Variants in RBFOX1 observed in about 807,000 individuals in gnomAD.
RBFOX1 encodes the protein RNA binding protein fox-1 homolog 1.
In RBFOX1, 8 loss-of-function variants were observed where a neutral mutation model predicts 57.7. The observed-to-expected ratio is 0.14, with a 90% CI of 0.08 to 0.25. RBFOX1 has a LOEUF of 0.25. RBFOX1 is among the 10% of genes least tolerant of loss of function. The pLI is 1.00. For synonymous variants in RBFOX1, 326 were observed against 222.4 expected, an observed-to-expected ratio of 1.47 and a Z score of -4.15; for missense variants, 611 against 548.5, an observed-to-expected ratio of 1.11 and a Z score of -1.14.
chr16:6,400,658 C>T (rs1309132817), intron 2 of RBFOX1, among the ~76,000 whole-genome samples: 2 of 152,162 alleles, frequency 1.3e-5, no homozygotes, highest in Non-Finnish European at 2.9e-5. Flanking sequence ...CTGAGGCGGG[C>T]AAGTTACTTG....
intron 3 of RBFOX1, among the ~76,000 whole-genome samples, chr16:5,739,077 A>C (rs2052683298): frequency 6.6e-6 from 1 of 152,232 alleles, no homozygotes. Flanking sequence ...GAAATCTAAC[A>C]GTTCTGTTGC....
Position 6,444,249 on chromosome 16 carries a change from C to A in RBFOX1, c.-64+127192C>A, listed in dbSNP as rs200480889. Reference sequence around the variant, plus strand: ...AACAGTGTCTGCTTAATTGAATATGCTCTCCCCAGGACCCGGCACAATGCC... The same window carrying A: ...AACAGTGTCTGCTTAATTGAATATGATCTCCCCAGGACCCGGCACAATGCC... On this transcript the variant is annotated intron_variant, in intron 2 of 15. Transcript: ENST00000550418. Among the ~76,000 whole-genome samples the A allele has an allele frequency of 9.2e-5, 14 of 152,206 alleles. No individual in the cohort carries two copies. In the East Asian group the frequency reaches 2.7e-3, roughly 29 times the overall value.
intron 2 of RBFOX1, among the ~76,000 whole-genome samples, chr16:6,599,018 A>G (rs1204902307): frequency 6.6e-6 from 1 of 152,192 alleles, no homozygotes; most frequent in Non-Finnish European, 1.5e-5. Flanking sequence ...ACAACTGACA[A>G]GATCTGTCTC....
intron 2 of RBFOX1, among the ~76,000 whole-genome samples, chr16:6,633,940 A>G (rs1219420022): frequency 6.6e-6 from 1 of 152,124 alleles, no homozygotes; most frequent in Non-Finnish European, 1.5e-5. Flanking sequence ...GCTTGAGGCC[A>G]GGGGGTGGAG....
chr16:6,728,076 T>C (rs1466852325), intron 3 of RBFOX1, among the ~76,000 whole-genome samples: 1 of 152,206 alleles, frequency 6.6e-6, no homozygotes, highest in African/African-American at 2.4e-5. Flanking sequence ...GATTTTAGCA[T>C]AGAGCTAGCC....
chr16:7,420,160 C>T (rs941733352), intron 4 of RBFOX1, among the ~76,000 whole-genome samples: 5 of 152,098 alleles, frequency 3.3e-5, no homozygotes, highest in African/African-American at 1.2e-4. Flanking sequence ...TATGCTCTCT[C>T]TCCAGTCTAA....
chr16:5,952,355 T>C lies in RBFOX1; in HGVS notation c.351+85020T>C, dbSNP rs142428704. On this transcript the variant is annotated intron_variant, in intron 4 of 19. Coordinates refer to the RBFOX1 transcript ENST00000641259. ...TCGTAGAGATGGGGTTTCACCATGT[T>C]GACCAGTCTGGTCTCAAATTCCTGA... Among the ~76,000 whole-genome samples, 704 of 152,244 alleles carry C rather than the reference T, an allele frequency of 4.6e-3. 5 individuals are homozygous for C. The highest frequency in any genetic ancestry group is 0.016 in the African/African-American group (676 of 41,562).
chr16:5,833,213 G>C (rs2056340518), intron 3 of RBFOX1, among the ~76,000 whole-genome samples: 1 of 152,160 alleles, frequency 6.6e-6, no homozygotes, highest in African/African-American at 2.4e-5. Flanking sequence ...ATGAAATCTG[G>C]CCAGGCGTGG....
intron 4 of RBFOX1, among the ~76,000 whole-genome samples, chr16:7,136,431 G>A (rs2071994732): frequency 7.3e-6 from 1 of 137,688 alleles, no homozygotes; most frequent in Non-Finnish European, 1.5e-5. Context: ...TTTTTTGACA[G>A]GGTCTTGTTC....
intron 4 of RBFOX1, among the ~76,000 whole-genome samples, chr16:7,115,747 G>A (rs1334402758): frequency 6.6e-6 from 1 of 152,210 alleles, no homozygotes; most frequent in Non-Finnish European, 1.5e-5. Flanking sequence ...TTCTCATGCT[G>A]CATTCTTTTC....
At chr16:6,855,263 G>A (rs1008259787) in intron 3 of RBFOX1, among the ~76,000 whole-genome samples, 2 of 152,014 alleles carry the variant, frequency 1.3e-5, no homozygotes, top group East Asian at 1.9e-4. Flanking sequence ...AGGGAGAGGG[G>A]GAAGGAGGGC....
At chr16:6,587,722 C>T (rs2097649933) in intron 2 of RBFOX1, among the ~76,000 whole-genome samples, 2 of 152,166 alleles carry the variant, frequency 1.3e-5, no homozygotes, top group South Asian at 4.2e-4. Context: ...AAAGAACTCT[C>T]CTCAACCCTC....
At chr16:6,611,075 C>A (rs942509767) in intron 2 of RBFOX1, among the ~76,000 whole-genome samples, 4 of 152,086 alleles carry the variant, frequency 2.6e-5, no homozygotes, top group African/African-American at 4.8e-5. Flanking sequence ...GCCTAAGAAG[C>A]AAAAGCAGGA....
intron 3 of RBFOX1, among the ~76,000 whole-genome samples, chr16:6,685,605 G>A (rs1044577598): frequency 6.6e-6 from 1 of 151,752 alleles, no homozygotes; most frequent in African/African-American, 2.4e-5. Context: ...TCATTTTTTG[G>A]TCACACTTAA....
Position 6,877,267 on chromosome 16 carries a change from G to A in RBFOX1, c.-15-174790G>A. ...CACATGTTGACATGTCCTAGAGAAA[G>A]ATGGATGGGTTGACTTGGAGGTATG... On this transcript the variant is annotated intron_variant, in intron 3 of 15. Coordinates refer to ENST00000550418, the MANE Select transcript of RBFOX1 (RefSeq NM_018723.4). Among the ~76,000 whole-genome samples, 2 of 152,218 alleles carry A rather than the reference G, an allele frequency of 1.3e-5. 1 individual carries two copies. Among genetic ancestry groups the A allele is most frequent in the Non-Finnish European group, 2.9e-5 (2 of 68,032 alleles).
intron 1 of RBFOX1, among the ~76,000 whole-genome samples, chr16:5,422,594 G>T (rs183844921): frequency 5.9e-4 from 69 of 117,470 alleles, no homozygotes; most frequent in African/African-American, 2.2e-3. Context: ...AGGAAGCGAG[G>T]ACAGGAGGAA....
intron 4 of RBFOX1, among the ~76,000 whole-genome samples, chr16:7,349,375 A>C (rs1020720430): frequency 6.6e-6 from 1 of 152,162 alleles, no homozygotes; most frequent in Non-Finnish European, 1.5e-5. Context: ...TCTCTTAAAA[A>C]CTAAATCCTC....
chr16:5,289,845 G>C (rs1314394282), intron 1 of RBFOX1, among the ~76,000 whole-genome samples: 1 of 152,224 alleles, frequency 6.6e-6, no homozygotes, highest in African/African-American at 2.4e-5. Context: ...CTTAAACACA[G>C]AGTTCTATGA....
At chr16:7,386,204 A>G (rs1008136962) in intron 4 of RBFOX1, among the ~76,000 whole-genome samples, 3 of 152,048 alleles carry the variant, frequency 2.0e-5, no homozygotes, top group Non-Finnish European at 4.4e-5. Context: ...GCATCCCCCA[A>G]GTTCTTTCCT....
Sources: allele counts gnomAD v4.1 joint callset (sites outside exome capture counted in the v4.1 genomes callset), GRCh38; gene constraint gnomAD v4.1.1; transcripts MANE v1.5; gene names NCBI Gene and HGNC (gene_info 2026-07-23, HGNC 2026-07-21).